The following METTL15 variants were observed in gnomAD, a reference collection of about 807,000 sequenced individuals.
METTL15 encodes methyltransferase 15, mitochondrial 12S rRNA N4-cytidine.
A neutral mutation model predicts 38.3 loss-of-function variants in METTL15; 34 were observed. The observed-to-expected ratio is 0.89, with a 90% CI of 0.68 to 1.18. The LOEUF (loss-of-function observed/expected upper bound fraction) is 1.18, where lower values mean the gene tolerates loss of function less well. METTL15 is among the 50% of genes most tolerant of loss of function. METTL15 has a pLI of 0.00. For missense variants in METTL15, 438 were observed against 498.4 expected (o/e 0.88, Z 1.15); for synonymous variants, 162 against 170.9 (o/e 0.95, Z 0.41).
intron 5 of METTL15, among the ~76,000 whole-genome samples, chr11:28,404,734 G>A (rs1010130170): frequency 9.2e-5 from 14 of 152,056 alleles, no homozygotes; most frequent in Admixed American, 8.5e-4. Flanking sequence ...GGCCAACGTC[G>A]CACTGCGAAG....
chr11:28,524,557 G>C (rs1851793406), intron 6 of METTL15, among the ~76,000 whole-genome samples: 1 of 152,248 alleles, frequency 6.6e-6, no homozygotes, highest in Non-Finnish European at 1.5e-5. Flanking sequence ...TTCTTTGTTA[G>C]AGCATTAGTA....
intron 3 of METTL15, among the ~76,000 whole-genome samples, chr11:28,124,331 A>G (rs1178874594): frequency 2.0e-5 from 3 of 152,054 alleles, no homozygotes; most frequent in Non-Finnish European, 4.4e-5. Flanking sequence ...CCCCCTGAGC[A>G]CTTGTGACTA....
At chr11:28,398,944 G>T (rs1438383252) in intron 5 of METTL15, 1 of 151,786 alleles carries the variant, frequency 6.6e-6, no homozygotes, top group African/African-American at 2.4e-5. Flanking sequence ...ATTAGAAAAA[G>T]CTACTTTAAA....
At chr11:28,376,775 C>G (rs1850318207) in intron 5 of METTL15, among the ~76,000 whole-genome samples, 2 of 150,740 alleles carry the variant, frequency 1.3e-5, no homozygotes, top group Non-Finnish European at 3.0e-5. Flanking sequence ...TACATTTTGG[C>G]ATGACTTTGC....
intron 3 of METTL15, among the ~76,000 whole-genome samples, chr11:28,135,368 C>T (rs1434474269): frequency 6.6e-6 from 1 of 152,202 alleles, no homozygotes; most frequent in Non-Finnish European, 1.5e-5. Context: ...TGAGCCCAGT[C>T]ATGGGTTTGT....
chr11:28,187,897 T>G (rs1851558781), intron 3 of METTL15, among the ~76,000 whole-genome samples: 1 of 151,228 alleles, frequency 6.6e-6, no homozygotes, highest in Admixed American at 6.6e-5. Context: ...TCCTAAAAAA[T>G]AAATTTTTAA....
chr11:28,264,656 C>T (rs1045231849), intron 4 of METTL15, among the ~76,000 whole-genome samples: 20 of 152,140 alleles, frequency 1.3e-4, no homozygotes, highest in African/African-American at 4.6e-4. Flanking sequence ...CATTATAGTG[C>T]CCTAGAATGC....
chr11:28,311,891 A>T (rs1857317088), intron 6 of METTL15, among the ~76,000 whole-genome samples: 1 of 152,234 alleles, frequency 6.6e-6, no homozygotes, highest in East Asian at 1.9e-4. Context: ...TTCCTATACC[A>T]GTAGCAGCTA....
chr11:28,257,958 T>A (rs1855039503), intron 4 of METTL15, among the ~76,000 whole-genome samples: 1 of 152,178 alleles, frequency 6.6e-6, no homozygotes, highest in Non-Finnish European at 1.5e-5. Context: ...TCTTCTGTGT[T>A]TGGTCATGGA....
chr11:28,192,961 ATTC>A (rs1310064377), intron 3 of METTL15, among the ~76,000 whole-genome samples: 1 of 152,032 alleles, frequency 6.6e-6, no homozygotes, highest in Non-Finnish European at 1.5e-5. Context: ...ATATTGCATT[ATTC>A]TTTTATTATC....
At chr11:28,225,356 AG>A (rs1385680512) in intron 4 of METTL15, among the ~76,000 whole-genome samples, 1 of 151,914 alleles carries the variant, frequency 6.6e-6, no homozygotes. Flanking sequence ...GTCTTTAAGT[AG>A]TTTATCTTTA....
At chr11:28,168,377 AATAG>A (rs1012761576) in intron 3 of METTL15, among the ~76,000 whole-genome samples, 5 of 152,040 alleles carry the variant, frequency 3.3e-5, no homozygotes, top group Non-Finnish European at 2.9e-5. Flanking sequence ...ATCTTTCTTA[AATAG>A]ATCATATTGA....
At chr11:28,438,552 T>A (rs1179480208) in intron 6 of METTL15, among the ~76,000 whole-genome samples, 1 of 152,196 alleles carries the variant, frequency 6.6e-6, no homozygotes, top group Non-Finnish European at 1.5e-5. Flanking sequence ...CCTCTGAACA[T>A]TCAAGTTTAG....
intron 4 of METTL15, among the ~76,000 whole-genome samples, chr11:28,226,953 A>G (rs1470122156): frequency 1.3e-5 from 2 of 151,918 alleles, no homozygotes; most frequent in Admixed American, 6.6e-5. Context: ...TATCTAAACC[A>G]TTTTGAACTA....
chr11:28,428,144 A>C (rs1850881726), intron 6 of METTL15, among the ~76,000 whole-genome samples: 1 of 152,246 alleles, frequency 6.6e-6, no homozygotes, highest in South Asian at 2.1e-4. Context: ...CAAACGTTGT[A>C]GAGTGTACTT....
chr11:28,367,090 T>C (rs758974317), intron 5 of METTL15, among the ~76,000 whole-genome samples: 1 of 151,954 alleles, frequency 6.6e-6, no homozygotes, highest in Non-Finnish European at 1.5e-5. Flanking sequence ...GACTGAAATG[T>C]AGTCCAATGT....
At chr11:28,123,316 T>G (rs1023337831) in intron 3 of METTL15, among the ~76,000 whole-genome samples, 4 of 152,124 alleles carry the variant, frequency 2.6e-5, no homozygotes, top group Admixed American at 6.6e-5. Flanking sequence ...AAGTTGCATG[T>G]TGTTTTATGA....
At chr11:28,405,361 T>A (rs1423195659) in intron 5 of METTL15, among the ~76,000 whole-genome samples, 1 of 152,176 alleles carries the variant, frequency 6.6e-6, no homozygotes, top group African/African-American at 2.4e-5. Flanking sequence ...ATGCAGTGCT[T>A]GCCATATGAT....
intron 4 of METTL15, among the ~76,000 whole-genome samples, chr11:28,211,507 A>T (rs370350699): frequency 1.3e-5 from 2 of 152,068 alleles, no homozygotes; most frequent in South Asian, 2.1e-4. Context: ...TCAAAAAATA[A>T]TTTTTAAACA....
Sources: gnomAD v4.1 joint callset for allele counts (sites outside exome capture counted in the v4.1 genomes callset) on GRCh38, gnomAD v4.1.1 for gene constraint, MANE v1.5 for transcripts, NCBI Gene and HGNC (gene_info 2026-07-23, HGNC 2026-07-21) for gene names.